Variants in HEMK2 observed in about 807,000 individuals in gnomAD.
The protein encoded by HEMK2 is methyltransferase HEMK2.
chr21:28,775,657 T>G, the HEMK2 span, among the ~76,000 whole-genome samples: 1 of 152,152 alleles, frequency 6.6e-6, no homozygotes, highest in South Asian at 2.1e-4. Context: ...GTCAAATTCT[T>G]CTGAGAAGTT....
At chr21:28,613,074 TGATAGATA>T in the HEMK2 span, among the ~76,000 whole-genome samples, 1 of 150,760 alleles carries the variant, frequency 6.6e-6, no homozygotes, top group East Asian at 1.9e-4. Flanking sequence ...TGAAGAAATG[TGATAGATA>T]GATAGATAGA....
chr21:28,716,269 A>G, the HEMK2 span, among the ~76,000 whole-genome samples: 1 of 152,142 alleles, frequency 6.6e-6, no homozygotes, highest in Non-Finnish European at 1.5e-5. Flanking sequence ...TGTGCCTAGA[A>G]TGTTTTGTTA....
the HEMK2 span, among the ~76,000 whole-genome samples, chr21:28,638,793 C>T: frequency 6.6e-6 from 1 of 152,102 alleles, no homozygotes; most frequent in Non-Finnish European, 1.5e-5. Context: ...GGTTTTCCAC[C>T]ACATGGCCTC....
the HEMK2 span, among the ~76,000 whole-genome samples, chr21:28,765,709 T>C: frequency 0.014 from 2,166 of 151,986 alleles, 51 homozygotes; most frequent in African/African-American, 0.05. Flanking sequence ...ACTTGACAAG[T>C]CTTACTGTGC....
At chr21:28,750,208 T>C in the HEMK2 span, among the ~76,000 whole-genome samples, 1 of 152,210 alleles carries the variant, frequency 6.6e-6, no homozygotes, top group African/African-American at 2.4e-5. Context: ...ATGAATATCC[T>C]ATAGAATGAG....
chr21:28,624,400 C>T, the HEMK2 span, among the ~76,000 whole-genome samples: 3 of 152,126 alleles, frequency 2.0e-5, no homozygotes, highest in African/African-American at 4.8e-5. Flanking sequence ...GTAATACATA[C>T]GAAGTGACAT....
the HEMK2 span, among the ~76,000 whole-genome samples, chr21:28,839,782 A>G: frequency 6.6e-6 from 1 of 152,152 alleles, no homozygotes; most frequent in Non-Finnish European, 1.5e-5. Flanking sequence ...TGTGAAAATG[A>G]CCATACTGCC....
At chr21:28,636,100 C>T in the HEMK2 span, among the ~76,000 whole-genome samples, 1 of 152,146 alleles carries the variant, frequency 6.6e-6, no homozygotes, top group South Asian at 2.1e-4. Context: ...GTAGTTCCTT[C>T]ATTCGGGACC....
chr21:28,680,460 T>G, the HEMK2 span, among the ~76,000 whole-genome samples: 28 of 152,302 alleles, frequency 1.8e-4, no homozygotes, highest in South Asian at 5.6e-3. Flanking sequence ...ACAGCCAGAT[T>G]GTGTCAGAGG....
At chr21:28,687,164 T>C in the HEMK2 span, among the ~76,000 whole-genome samples, 3 of 152,180 alleles carry the variant, frequency 2.0e-5, no homozygotes, top group African/African-American at 4.8e-5. Flanking sequence ...ACATATAAAG[T>C]TAATGCCTTA....
the HEMK2 span, among the ~76,000 whole-genome samples, chr21:28,584,570 G>C: frequency 6.6e-5 from 10 of 152,096 alleles, no homozygotes; most frequent in Non-Finnish European, 1.0e-4. Context: ...ATATAAGAAA[G>C]TAAGTGGGGT....
the HEMK2 span, among the ~76,000 whole-genome samples, chr21:28,622,864 C>G: frequency 1.3e-5 from 2 of 152,100 alleles, no homozygotes; most frequent in Non-Finnish European, 2.9e-5. Flanking sequence ...AACGTAAGAC[C>G]TAAAACCCTA....
At chr21:28,599,904 A>C in the HEMK2 span, among the ~76,000 whole-genome samples, 2 of 152,374 alleles carry the variant, frequency 1.3e-5, no homozygotes, top group East Asian at 3.9e-4. Context: ...TTAAAGCTCC[A>C]AAAGTATCTC....
chr21:28,634,872 T>C, the HEMK2 span, among the ~76,000 whole-genome samples: 1 of 152,184 alleles, frequency 6.6e-6, no homozygotes, highest in Non-Finnish European at 1.5e-5. Context: ...TAAGTGCTTG[T>C]GAAGGTTAGC....
At chr21:28,674,970 G>A in the HEMK2 span, 2 of 152,124 alleles carry the variant, frequency 1.3e-5, no homozygotes, top group Non-Finnish European at 2.9e-5. Flanking sequence ...TATTGAATTG[G>A]GAGTTAGGTT....
the HEMK2 span, among the ~76,000 whole-genome samples, chr21:28,800,715 T>C: frequency 6.6e-6 from 1 of 152,186 alleles, no homozygotes; most frequent in South Asian, 2.1e-4. Flanking sequence ...GCCTGTATTT[T>C]TTAAAAGGAG....
chr21:28,849,942 G>A, the HEMK2 span, among the ~76,000 whole-genome samples: 3 of 152,180 alleles, frequency 2.0e-5, no homozygotes, highest in African/African-American at 7.2e-5. Flanking sequence ...AAACATATTT[G>A]AGGATATCAT....
At chr21:28,817,365 GAATAC>G in the HEMK2 span, among the ~76,000 whole-genome samples, 3 of 152,084 alleles carry the variant, frequency 2.0e-5, no homozygotes, top group African/African-American at 7.2e-5. Flanking sequence ...GGAAGATATA[GAATAC>G]AATAAATTGT....
chr21:28,684,699 T>C, the HEMK2 span, among the ~76,000 whole-genome samples: 3 of 152,194 alleles, frequency 2.0e-5, no homozygotes, highest in Non-Finnish European at 4.4e-5. Flanking sequence ...AACACGTGAA[T>C]GGGGGATGCA....
Sources: gnomAD v4.1 joint callset for allele counts (sites outside exome capture counted in the v4.1 genomes callset) on GRCh38, gnomAD v4.1.1 for gene constraint, MANE v1.5 for transcripts, NCBI Gene and HGNC (gene_info 2026-07-23, HGNC 2026-07-21) for gene names.